Variants in SDK1 observed in about 807,000 individuals in gnomAD.
The protein encoded by SDK1 is sidekick cell adhesion molecule 1.
SDK1 carries 157 observed loss-of-function variants against 245.5 expected under a neutral mutation model. The observed-to-expected ratio is 0.64, with a 90% CI of 0.56 to 0.73. SDK1 has a LOEUF of 0.73. Ranked by LOEUF, SDK1 falls within the 30% of genes least tolerant of loss-of-function variation. SDK1 has a pLI of 0.00. For missense variants in SDK1, 3,583 were observed against 3,002.3 expected, an observed-to-expected ratio of 1.19 and a Z score of -4.52; for synonymous variants, 1,647 against 1,278.5, an observed-to-expected ratio of 1.29 and a Z score of -6.15.
chr7:3,841,722 C>G (rs1015635774), intron 5 of SDK1, among the ~76,000 whole-genome samples: 3 of 152,028 alleles, frequency 2.0e-5, no homozygotes, highest in Non-Finnish European at 4.4e-5. Context: ...GCCACCATGC[C>G]TGGCTAATTT....
chr7:4,143,437 G>A (rs940027030), intron 28 of SDK1, among the ~76,000 whole-genome samples: 7 of 152,130 alleles, frequency 4.6e-5, no homozygotes, highest in African/African-American at 1.7e-4. Context: ...CATTACCACC[G>A]TGAGCCCCCA....
At chr7:3,673,319 C>T (rs1169582879) in intron 4 of SDK1, among the ~76,000 whole-genome samples, 1 of 152,110 alleles carries the variant, frequency 6.6e-6, no homozygotes, top group African/African-American at 2.4e-5. Flanking sequence ...ACGGAAAGAT[C>T]GGAGAGCTAG....
intron 1 of SDK1, among the ~76,000 whole-genome samples, chr7:3,388,463 A>G (rs562832006): frequency 6.6e-6 from 1 of 152,022 alleles, no homozygotes; most frequent in Non-Finnish European, 1.5e-5. Context: ...TGCAGTGGCA[A>G]GATCATAGCT....
intron 42 of SDK1, among the ~76,000 whole-genome samples, chr7:4,239,671 G>T (rs576102131): frequency 6.6e-6 from 1 of 152,298 alleles, no homozygotes; most frequent in East Asian, 1.9e-4. Flanking sequence ...CCCGGCCTAT[G>T]GCCTGTTTTG....
At position 3,956,989 on chromosome 7, in the gene SDK1, G is replaced by A. The variant is rs553828495; in HGVS notation, c.1151-1942G>A. Among the ~76,000 whole-genome samples the A allele has an allele frequency of 9.8e-5, 15 of 152,320 alleles. No individual in the cohort carries two copies. In the South Asian group the frequency reaches 1.2e-3, roughly 13 times the overall value. On this transcript the variant is annotated intron_variant, in intron 7 of 44. Coordinates refer to ENST00000404826, the MANE Select transcript of SDK1 (RefSeq NM_152744.4). ...AAGGCACCCTGGGCCCGTAGGTGCC[G>A]ACCATTGTTATCTATGGATTTTGTA...
chr7:3,693,235 C>G (rs1784482510), intron 4 of SDK1, among the ~76,000 whole-genome samples: 2 of 151,956 alleles, frequency 1.3e-5, no homozygotes, highest in African/African-American at 2.4e-5. Context: ...TCTTCATTAT[C>G]TCTGTTCTTT....
At chr7:3,378,497 G>A (rs529803812) in intron 1 of SDK1, among the ~76,000 whole-genome samples, 1 of 152,244 alleles carries the variant, frequency 6.6e-6, no homozygotes, top group South Asian at 2.1e-4. Flanking sequence ...GTACCCAGGG[G>A]TCAGGAGTGT....
chr7:4,061,542 A>G (rs1779538507), intron 19 of SDK1, among the ~76,000 whole-genome samples: 2 of 151,978 alleles, frequency 1.3e-5, no homozygotes, highest in African/African-American at 4.8e-5. Context: ...TGGGACTGTA[A>G]ACTAGTTCAA....
chr7:4,171,461 G>T (rs1781833129), intron 32 of SDK1, among the ~76,000 whole-genome samples: 1 of 152,184 alleles, frequency 6.6e-6, no homozygotes, highest in Non-Finnish European at 1.5e-5. Flanking sequence ...ATTTAGCTGG[G>T]TGTCTTGTTT....
intron 43 of SDK1, among the ~76,000 whole-genome samples, chr7:4,242,379 G>A (rs948754184): frequency 5.3e-5 from 8 of 152,124 alleles, no homozygotes; most frequent in East Asian, 1.9e-4. Context: ...TTCCATACAC[G>A]GATTGAGTGC....
intron 4 of SDK1, among the ~76,000 whole-genome samples, chr7:3,772,816 C>T (rs553100432): frequency 1.3e-5 from 2 of 152,294 alleles, no homozygotes; most frequent in East Asian, 3.9e-4. Context: ...TCCACCCTCA[C>T]ATCTGAAGTC....
intron 5 of SDK1, among the ~76,000 whole-genome samples, chr7:3,893,995 T>C (rs953108178): frequency 1.3e-5 from 2 of 152,218 alleles, no homozygotes; most frequent in African/African-American, 4.8e-5. Flanking sequence ...ACTGCAGAGA[T>C]GTATAAGATA....
At chr7:3,702,522 C>G (rs1188833034) in intron 4 of SDK1, among the ~76,000 whole-genome samples, 1 of 152,188 alleles carries the variant, frequency 6.6e-6, no homozygotes, top group Admixed American at 6.5e-5. Context: ...ATTCACCACT[C>G]TCACCTGCTT....
chr7:4,000,054 G>C (rs1475381446), intron 14 of SDK1, among the ~76,000 whole-genome samples: 1 of 152,192 alleles, frequency 6.6e-6, no homozygotes, highest in Non-Finnish European at 1.5e-5. Flanking sequence ...AGAGAGTGAA[G>C]GAAAGCAGGA....
chr7:3,936,016 A>ATGAACAATAGAGTTCATAG (rs1381531362), intron 5 of SDK1, among the ~76,000 whole-genome samples: 20 of 152,266 alleles, frequency 1.3e-4, no homozygotes, highest in African/African-American at 4.6e-4. Flanking sequence ...TCAGTGGATA[A>ATGAACAATAGAGTTCATAG]ACTCAATAGA....
chr7:3,752,410 G>A (rs937186324), intron 4 of SDK1, among the ~76,000 whole-genome samples: 29 of 152,154 alleles, frequency 1.9e-4, no homozygotes, highest in African/African-American at 6.7e-4. Context: ...AATGCCATCT[G>A]ACCTCAAGAT....
At chr7:4,083,535 TC>T (rs1781200135) in intron 22 of SDK1, among the ~76,000 whole-genome samples, 2 of 63,952 alleles carry the variant, frequency 3.1e-5, no homozygotes, top group Non-Finnish European at 2.9e-5. Flanking sequence ...CCTCCCTCCC[TC>T]CCTCCCTCCC....
At chr7:3,485,886 G>T (rs1037601369) in intron 1 of SDK1, among the ~76,000 whole-genome samples, 1 of 151,476 alleles carries the variant, frequency 6.6e-6, no homozygotes, top group African/African-American at 2.4e-5. Context: ...TGTCCCGTTA[G>T]GACAGTTTAT....
intron 4 of SDK1, among the ~76,000 whole-genome samples, chr7:3,739,623 A>G (rs1394628290): frequency 6.6e-6 from 1 of 152,222 alleles, no homozygotes; most frequent in Non-Finnish European, 1.5e-5. Context: ...TAATACTTTT[A>G]AAATAATTTT....
Sources: gnomAD v4.1 joint callset for allele counts (sites outside exome capture counted in the v4.1 genomes callset) on GRCh38, gnomAD v4.1.1 for gene constraint, MANE v1.5 for transcripts, NCBI Gene and HGNC (gene_info 2026-07-23, HGNC 2026-07-21) for gene names.